Variants in CUX1 observed in about 807,000 individuals in gnomAD.
CUX1 encodes cut like homeobox 1, also known as protein CASP.
CUX1 carries 31 observed loss-of-function variants against 158.8 expected under a neutral mutation model. The observed-to-expected ratio is 0.20, with a 90% CI of 0.15 to 0.26. CUX1 has a LOEUF of 0.26. CUX1 is among the 10% of genes least tolerant of loss of function. The probability of loss-of-function intolerance (pLI) is 1.00; values close to 1 mark genes in which losing one functional copy is unlikely to be tolerated. For synonymous variants in CUX1, 879 were observed against 862.1 expected (o/e 1.02, Z -0.34); for missense variants, 1,589 against 2,014.6 (o/e 0.79, Z 4.04).
intron 2 of CUX1, among the ~76,000 whole-genome samples, chr7:101,977,172 C>CAAA (rs1812814780): frequency 2.0e-5 from 3 of 152,070 alleles, no homozygotes; most frequent in Admixed American, 1.3e-4. Context: ...CTCGGCCTCC[C>CAAA]AAAGTGCTAG....
In CUX1 at chr7:102,252,178, G is replaced by A. The variant is rs1444848575; in HGVS notation, c.*3136G>A. 1 of 985,306 alleles carries A rather than the reference G, an allele frequency of 1.0e-6. No individual in the cohort carries two copies. Among genetic ancestry groups the A allele is most frequent in the Non-Finnish European group, 1.2e-6 (1 of 829,904 alleles). 61.0% of individuals were successfully genotyped at this position (985,306 alleles called of 1,614,324 possible). A position where few individuals can be genotyped will look rare whatever the true frequency, so the allele number is the denominator to read the frequency against. ...AGATCTTTGATGTGAAGCTAGCACTGTCTGTAATACTTCTAAGAGCTGCCA... is the reference window on the plus strand; with the variant it reads ...AGATCTTTGATGTGAAGCTAGCACTATCTGTAATACTTCTAAGAGCTGCCA... On this transcript the variant is annotated 3_prime_UTR_variant, in exon 24 of 24. Coordinates refer to ENST00000292535, the MANE Select transcript of CUX1 (RefSeq NM_181552.4).
intron 10 of CUX1, among the ~76,000 whole-genome samples, chr7:102,173,123 G>T (rs1019206483): frequency 1.3e-5 from 2 of 152,148 alleles, no homozygotes; most frequent in East Asian, 3.9e-4. Context: ...ACTTTGGGGG[G>T]CCGAGGCGGG....
Position 102,201,651 on chromosome 7 carries a change from A to G in CUX1, c.2354A>G (p.Lys785Arg), listed in dbSNP as rs781951835. The G allele has an allele frequency of 1.9e-6, 3 of 1,613,474 alleles. No homozygotes were observed. Among genetic ancestry groups the G allele is most frequent in the Admixed American group, 1.7e-5 (1 of 60,028 alleles). Residue 785 changes from lysine (K) to arginine (R), a missense_variant, in exon 18 of 24, where the codon AAA becomes AGA. Physicochemically the swap from Lys to Arg is conservative, Grantham distance 26. Coordinates refer to ENST00000292535, the MANE Select transcript of CUX1 (RefSeq NM_181552.4). This position sits in a 1 kb window ranked among gnomAD's most constrained non-coding sequence, Gnocchi z 5.0. ...GCTCTGCCGAACCCCCCGGCCCTCAAAAAGGAGGCCCAGGACGCCCCCGGG... is the reference window on the plus strand; with the variant it reads ...GCTCTGCCGAACCCCCCGGCCCTCAGAAAGGAGGCCCAGGACGCCCCCGGG... The part of the protein sequence containing the change: ...ASALPNPPAL[K>R]KEAQDAPGLD...
chr7:102,234,240 G>A lies in CUX1; in HGVS notation c.3622G>A (p.Ala1208Thr), dbSNP rs1554531826. Residue 1208 changes from alanine (A) to threonine (T), a missense_variant and splice_region_variant, in exon 22 of 24, where the codon GCC (alanine) becomes ACC (threonine). Physicochemically the swap from Ala to Thr is moderately conservative, Grantham distance 58. Transcript: ENST00000292535. ...LMDMKRMEKK[A>T]YMKRRHSSVS... ...GGACATGAAACGGATGGAGAAGAAA[G>A]GTAAGTCTCCCTGCCCCGCCCGGGC... 6.5e-7 allele frequency: 1 copy of A among 1,535,872 alleles called. No individual in the cohort carries two copies. Among genetic ancestry groups the A allele is most frequent in the Admixed American group, 2.1e-5 (1 of 48,116 alleles).
chr7:101,946,418 T>C (rs1808377678), intron 2 of CUX1, among the ~76,000 whole-genome samples: 1 of 151,824 alleles, frequency 6.6e-6, no homozygotes, highest in Non-Finnish European at 1.5e-5. Flanking sequence ...GTGGTGTGCG[T>C]CTGTAATTCC....
chr7:101,862,935 A>G (rs1023984525), intron 1 of CUX1, among the ~76,000 whole-genome samples: 1 of 151,928 alleles, frequency 6.6e-6, no homozygotes, highest in Non-Finnish European at 1.5e-5. Flanking sequence ...AATTTCAAAT[A>G]TATACCCAAA....
intron 11 of CUX1, among the ~76,000 whole-genome samples, chr7:102,184,111 T>C (rs561333771): frequency 4.4e-4 from 67 of 152,344 alleles, no homozygotes; most frequent in Non-Finnish European, 5.9e-4. Context: ...TTGCCCAGGC[T>C]GGTGTCGAAC....
chr7:102,200,036 G>T (rs781951165), intron 16 of CUX1, 35 bp from the exon 17 acceptor site: 1 of 1,560,502 alleles, frequency 6.4e-7, no homozygotes, highest in Non-Finnish European at 8.7e-7. Context: ...TCCGGGGTTT[G>T]GGTTTGATGT....
intron 2 of CUX1, among the ~76,000 whole-genome samples, chr7:101,983,339 T>G (rs1248669822): frequency 6.6e-6 from 1 of 152,158 alleles, no homozygotes; most frequent in Non-Finnish European, 1.5e-5. Context: ...AGGTGTGGTC[T>G]CCAGCCCCAG....
At position 102,115,283 on chromosome 7, in the gene CUX1, T is replaced by G. The variant is rs372882851; in HGVS notation, c.674+10T>G. 6.2e-6 allele frequency: 10 copies of G among 1,607,010 alleles called. No homozygotes were observed. The African/African-American group carries it at 1.2e-4, about 19-fold the overall frequency. On this transcript the variant is annotated intron_variant, in intron 8 of 23. Coordinates refer to ENST00000292535, the MANE Select transcript of CUX1 (RefSeq NM_181552.4). ...AAGAAACTACTGCAAAGTAAGTCTC[T>G]CTGCTTGGCCTCCCTTATCCGTACA...
chr7:101,981,150 C>T (rs888268811), intron 2 of CUX1, among the ~76,000 whole-genome samples: 1 of 151,934 alleles, frequency 6.6e-6, no homozygotes, highest in Non-Finnish European at 1.5e-5. Flanking sequence ...GACATGAATA[C>T]CCCCCGTTTT....
intron 4 of CUX1, among the ~76,000 whole-genome samples, chr7:102,072,451 C>A (rs1164868684): frequency 6.6e-6 from 1 of 152,170 alleles, no homozygotes; most frequent in African/African-American, 2.4e-5. Flanking sequence ...TACTTCTATG[C>A]GAACGAAGAC....
intron 8 of CUX1, among the ~76,000 whole-genome samples, chr7:102,132,673 T>C (rs1455850146): frequency 7.5e-6 from 1 of 132,790 alleles, no homozygotes; most frequent in African/African-American, 2.8e-5. Flanking sequence ...TGTTTTTCTT[T>C]GCTTTTCTTT....
intron 3 of CUX1, among the ~76,000 whole-genome samples, chr7:102,066,120 C>T (rs899850988): frequency 6.6e-6 from 1 of 152,100 alleles, no homozygotes; most frequent in African/African-American, 2.4e-5. Flanking sequence ...CCGATGTCCA[C>T]GGGGCTGGTT....
At chr7:102,216,614 ACTC>A (rs1797153172) in intron 20 of CUX1, among the ~76,000 whole-genome samples, 1 of 28,742 alleles carries the variant, frequency 3.5e-5, no homozygotes, top group Non-Finnish European at 6.9e-5. Flanking sequence ...ACACACACAC[ACTC>A]CCCACACACA....
chr7:102,173,801 G>A (rs388592), intron 10 of CUX1, among the ~76,000 whole-genome samples: 10,128 of 152,218 alleles, frequency 0.067, 394 homozygotes, highest in African/African-American at 0.084. Context: ...GTTAAGTGCC[G>A]TGTTTACATG....
At chr7:102,096,354 T>TC (rs1829187131) in intron 4 of CUX1, among the ~76,000 whole-genome samples, 1 of 27,416 alleles carries the variant, frequency 3.6e-5, no homozygotes, top group Non-Finnish European at 8.4e-5. Flanking sequence ...TGGGGTGGCT[T>TC]TATAAAGCCT....
At chr7:101,858,094 A>G (rs753221281) in intron 1 of CUX1, among the ~76,000 whole-genome samples, 17 of 152,184 alleles carry the variant, frequency 1.1e-4, no homozygotes, top group Non-Finnish European at 8.8e-5. Flanking sequence ...CTGCACTCCA[A>G]CCTGGGCAAC....
chr7:102,119,202 G>A (rs1160600132), intron 8 of CUX1, among the ~76,000 whole-genome samples: 1 of 152,200 alleles, frequency 6.6e-6, no homozygotes, highest in Admixed American at 6.5e-5. Flanking sequence ...CGGCCTTGGA[G>A]GAAATTGACT....
Sources: allele counts gnomAD v4.1 joint callset (sites outside exome capture counted in the v4.1 genomes callset), GRCh38; gene constraint gnomAD v4.1.1; non-coding constraint Gnocchi (gnomAD v3.1); transcripts MANE v1.5; gene names NCBI Gene and HGNC (gene_info 2026-07-23, HGNC 2026-07-21).